LRP6: variants seen among roughly 807,000 people sequenced by gnomAD.
The protein encoded by LRP6 is LDL receptor related protein 6.
In LRP6, 43 loss-of-function variants were observed where a neutral mutation model predicts 184.1. The observed-to-expected ratio is 0.23, with a 90% CI of 0.18 to 0.30. LRP6 has a LOEUF of 0.30. Ranked by LOEUF, LRP6 falls within the 10% of genes least tolerant of loss-of-function variation. The pLI is 1.00. For missense variants in LRP6, 1,571 were observed against 2,005.3 expected (o/e 0.78, Z 4.14); for synonymous variants, 719 against 684.9 (o/e 1.05, Z -0.78).
intron 1 of LRP6, among the ~76,000 whole-genome samples, chr12:12,257,405 G>A (rs532750021): frequency 4.6e-5 from 7 of 151,698 alleles, no homozygotes; most frequent in African/African-American, 7.2e-5. Context: ...GTAAAACCCC[G>A]TCTCTACTAA....
At chr12:12,161,860 T>C (rs1862749327) in intron 10 of LRP6, among the ~76,000 whole-genome samples, 1 of 152,162 alleles carries the variant, frequency 6.6e-6, no homozygotes, top group South Asian at 2.1e-4. Flanking sequence ...AGGCTTGGAA[T>C]CTAGTATAAC....
intron 2 of LRP6, among the ~76,000 whole-genome samples, chr12:12,228,009 G>A (rs1398508160): frequency 6.6e-6 from 1 of 152,170 alleles, no homozygotes; most frequent in Non-Finnish European, 1.5e-5. Context: ...CAATAAGACT[G>A]GTACCAAATC....
At chr12:12,184,223 A>C in intron 4 of LRP6, 112 bp from the exon 5 acceptor site, 2 of 859,288 alleles carry the variant, frequency 2.3e-6, no homozygotes, top group Non-Finnish European at 3.9e-6. Flanking sequence ...AATGTCATGC[A>C]GGTGCTTGAC....
intron 7 of LRP6, among the ~76,000 whole-genome samples, chr12:12,176,901 G>T (rs115749117): frequency 0.011 from 1,496 of 138,866 alleles, 18 homozygotes; most frequent in African/African-American, 0.039. Flanking sequence ...AGGCTGGAAT[G>T]CAATGGCATC....
chr12:12,248,318 T>G (rs1020900860), intron 1 of LRP6, among the ~76,000 whole-genome samples: 1 of 152,136 alleles, frequency 6.6e-6, no homozygotes, highest in Non-Finnish European at 1.5e-5. Context: ...ATATTTCTAC[T>G]AACTGCAAAA....
Position 12,181,093 on chromosome 12 carries a change from A to C in LRP6, c.1323T>G (p.Ile441Met). ...RLNGTMRKIL[I>M]SEDLEEPRAI... is the part of the protein sequence containing the mutation. Reference sequence around the variant, plus strand: ...CCCGGGGTTCCTCTAAGTCCTCTGAAATCAAGATCTTCCTCATGGTCCCAT... The same window carrying C: ...CCCGGGGTTCCTCTAAGTCCTCTGACATCAAGATCTTCCTCATGGTCCCAT... The change falls in exon 6 of 23, where the codon ATT becomes ATG. Residue 441 changes from isoleucine to methionine, a missense_variant. Physicochemically the swap from Ile to Met is conservative, Grantham distance 10. Transcript: ENST00000261349. The C allele has an allele frequency of 6.2e-7, 1 of 1,614,120 alleles. No homozygotes were observed. The highest frequency in any genetic ancestry group is 8.5e-7 in the Non-Finnish European group (1 of 1,179,966).
At chr12:12,151,090 A>G (rs558796814) in intron 12 of LRP6, 52 bp from the exon 13 acceptor site, 1 of 1,378,210 alleles carries the variant, frequency 7.3e-7, no homozygotes, top group African/African-American at 1.4e-5. Flanking sequence ...TACATCCTCT[A>G]TCATCCAATG....
chr12:12,149,291 T>C, intron 13 of LRP6, 138 bp from the exon 14 acceptor site: 7 of 724,720 alleles, frequency 9.7e-6, no homozygotes, highest in Admixed American at 8.3e-5. Context: ...TTCTTACTGA[T>C]ACCTTTTTTT....
At chr12:12,179,714 T>C in intron 7 of LRP6, 96 bp downstream of exon 7, 3 of 1,354,464 alleles carry the variant, frequency 2.2e-6, no homozygotes, top group Middle Eastern at 4.2e-4. Flanking sequence ...CCCAGACAAC[T>C]GTTAAGAAAA....
At chr12:12,144,141 T>C (rs1949970631) in intron 15 of LRP6, among the ~76,000 whole-genome samples, 1 of 152,182 alleles carries the variant, frequency 6.6e-6, no homozygotes, top group Non-Finnish European at 1.5e-5. Context: ...GCAGTATATA[T>C]CTTGACAAAG....
At chr12:12,199,551 C>T (rs1008591022) in intron 3 of LRP6, among the ~76,000 whole-genome samples, 9 of 152,124 alleles carry the variant, frequency 5.9e-5, no homozygotes, top group African/African-American at 7.2e-5. Flanking sequence ...TGAGTGAGAG[C>T]GTCTCTCAGA....
At chr12:12,171,996 A>G (rs1198880140) in intron 7 of LRP6, among the ~76,000 whole-genome samples, 1 of 152,244 alleles carries the variant, frequency 6.6e-6, no homozygotes, top group African/African-American at 2.4e-5. Context: ...GCTTGTTTGT[A>G]TATTCTGAAC....
At chr12:12,145,624 C>CT (rs1157764946) in intron 15 of LRP6, among the ~76,000 whole-genome samples, 2,967 of 80,194 alleles carry the variant, frequency 0.037, 123 homozygotes, top group African/African-American at 0.082. Flanking sequence ...TTTTCTTTTT[C>CT]TTTTTTTTTT....
rs184817980 is a variant in LRP6 at position 12,171,051 on chromosome 12, T to C, written c.1546-5756A>G. Reference sequence around the variant, plus strand: ...CTCCTGCTTAAGACACGCTGCAGTCTAGATCAGCCATGTACTAACAATGGT... The same window carrying C: ...CTCCTGCTTAAGACACGCTGCAGTCCAGATCAGCCATGTACTAACAATGGT... On this transcript the variant is annotated intron_variant, in intron 7 of 22. Coordinates refer to ENST00000261349, the MANE Select transcript of LRP6 (RefSeq NM_002336.3). Among the ~76,000 whole-genome samples the C allele has an allele frequency of 4.8e-3, 733 of 152,276 alleles. 9 individuals are homozygous for C. Among genetic ancestry groups the C allele is most frequent in the Non-Finnish European group, 7.2e-3 (488 of 68,024 alleles).
chr12:12,169,265 AG>A (rs1291723450), intron 7 of LRP6, among the ~76,000 whole-genome samples: 1 of 151,878 alleles, frequency 6.6e-6, no homozygotes, highest in Non-Finnish European at 1.5e-5. Context: ...AATAAATAAA[AG>A]TATGCCCGCA....
At chr12:12,158,765 T>A in intron 12 of LRP6, 64 bp downstream of exon 12, 1 of 1,518,010 alleles carries the variant, frequency 6.6e-7, no homozygotes, top group Admixed American at 1.7e-5. Flanking sequence ...AAACACACAC[T>A]AAAGTACTTT....
In LRP6 at chr12:12,131,919, G is replaced by C; in HGVS notation, c.3872C>G (p.Ser1291Cys). The C allele has an allele frequency of 6.2e-7, 1 of 1,614,196 alleles. No homozygotes were observed. Among genetic ancestry groups the C allele is most frequent in the Non-Finnish European group, 8.5e-7 (1 of 1,180,034 alleles). The change falls in exon 18 of 23, where the codon TCC (serine) becomes TGC (cysteine). Residue 1291 changes from serine to cysteine, a missense_variant. Transcript: ENST00000261349. ...CTGCCCACTGGCACACTGGAACTGG[G>C]ACTCTGAGCATACAGGACAATTGAG... ...DELNCPVCSESQFQCASGQCI... is the reference protein window; with the variant it reads ...DELNCPVCSECQFQCASGQCI...
At chr12:12,149,666 A>G (rs1192018161) in intron 13 of LRP6, among the ~76,000 whole-genome samples, 1 of 152,190 alleles carries the variant, frequency 6.6e-6, no homozygotes, top group African/African-American at 2.4e-5. Context: ...AGCCCCCCAC[A>G]ACAAACAATT....
intron 1 of LRP6, among the ~76,000 whole-genome samples, chr12:12,265,994 T>C (rs1460087894): frequency 1.3e-5 from 2 of 152,136 alleles, no homozygotes; most frequent in Admixed American, 6.5e-5. Context: ...GTGCCAACTG[T>C]ACACTTGCAT....
Sources: allele counts gnomAD v4.1 joint callset (sites outside exome capture counted in the v4.1 genomes callset), GRCh38; gene constraint gnomAD v4.1.1; transcripts MANE v1.5; gene names NCBI Gene and HGNC (gene_info 2026-07-23, HGNC 2026-07-21).